KLHL1: variants seen among roughly 807,000 people sequenced by gnomAD.
The protein encoded by KLHL1 is kelch-like protein 1.
A neutral mutation model predicts 77.7 loss-of-function variants in KLHL1; 47 were observed. The observed-to-expected ratio is 0.60, with a 90% confidence interval of 0.48 to 0.77. KLHL1 has a LOEUF of 0.77. KLHL1 is among the 30% of genes least tolerant of loss of function. KLHL1 has a pLI of 0.00. For synonymous variants in KLHL1, 360 were observed against 325.2 expected, an observed-to-expected ratio of 1.11 and a Z score of -1.15; for missense variants, 925 against 910.8, an observed-to-expected ratio of 1.02 and a Z score of -0.20.
At chr13:69,839,252 T>C (rs1879148584) in intron 5 of KLHL1, 90 bp from the exon 6 acceptor site, 1 of 854,552 alleles carries the variant, frequency 1.2e-6, no homozygotes, top group Non-Finnish European at 1.8e-6. Context: ...ATGTCTGTGA[T>C]ATTATCCTTA....
rs1184213988 is a variant in KLHL1 at position 70,107,214 on chromosome 13, T to A, written c.486A>T (p.Gly162=). ...GGGACTTACTGTACCTGTGTCCACA[T>A]CCTTCACCTGTTGCCTGGCTAGAGT... ...PDNSSQATGE[G]CGHRLSSTGH... is the part of the protein sequence containing the mutation. The change falls in exon 1 of 11, where the codon GGA becomes GGT. Residue 162 remains glycine (G), a synonymous_variant. Transcript: ENST00000377844. 1 of 1,610,002 alleles carries A rather than the reference T, an allele frequency of 6.2e-7. No individual in the cohort carries two copies. The highest frequency in any genetic ancestry group is 8.5e-7 in the Non-Finnish European group (1 of 1,177,902).
intron 1 of KLHL1, among the ~76,000 whole-genome samples, chr13:69,994,798 A>G (rs1468459499): frequency 6.6e-6 from 1 of 152,106 alleles, no homozygotes; most frequent in East Asian, 1.9e-4. Context: ...TCCCAGGAAT[A>G]CTGTAGAGGA....
intron 1 of KLHL1, among the ~76,000 whole-genome samples, chr13:69,998,096 C>A (rs1031428733): frequency 6.6e-6 from 1 of 152,054 alleles, no homozygotes; most frequent in African/African-American, 2.4e-5. Flanking sequence ...AGGTCCTTTA[C>A]TGAAGACATT....
intron 4 of KLHL1, among the ~76,000 whole-genome samples, chr13:69,902,345 G>A (rs191684979): frequency 7.9e-4 from 121 of 152,228 alleles, no homozygotes; most frequent in African/African-American, 2.7e-3. Context: ...ATTTTAAGTA[G>A]AGGTTAATTA....
intron 5 of KLHL1, among the ~76,000 whole-genome samples, chr13:69,855,236 G>A (rs984008724): frequency 6.6e-6 from 1 of 151,894 alleles, no homozygotes; most frequent in African/African-American, 2.4e-5. Context: ...TTGTGTCAGA[G>A]AGTGATGCCA....
intron 4 of KLHL1, among the ~76,000 whole-genome samples, chr13:69,903,638 T>TTG (rs1451170239): frequency 1.9e-5 from 2 of 107,760 alleles, no homozygotes; most frequent in African/African-American, 7.4e-5. Flanking sequence ...TTCTTTTTTT[T>TTG]TTTTTTTTTT....
chr13:70,033,541 C>T (rs1398671644), intron 1 of KLHL1, among the ~76,000 whole-genome samples: 2 of 149,412 alleles, frequency 1.3e-5, no homozygotes, highest in Admixed American at 6.7e-5. Context: ...TCTCCGACCT[C>T]GTGATCCACC....
intron 3 of KLHL1, among the ~76,000 whole-genome samples, chr13:69,941,648 G>A (rs1883369079): frequency 6.6e-6 from 1 of 151,762 alleles, no homozygotes; most frequent in African/African-American, 2.4e-5. Flanking sequence ...ATAAACAAAA[G>A]CAATCCAAAA....
In KLHL1 at chr13:70,108,272, C is replaced by A; in HGVS notation, c.-573G>T. 1.3e-5 allele frequency: 5 copies of A among 376,378 alleles called. No homozygotes were observed. The highest frequency in any genetic ancestry group is 2.3e-5 in the Non-Finnish European group (5 of 212,820). The allele number at this position is 376,378 out of a possible 1,614,324, so 23.3% of individuals were successfully genotyped here. A position where few individuals can be genotyped will look rare whatever the true frequency, so the allele number is the denominator to read the frequency against. ...GGTGCACCTGCGCCCCTGTCCCTGG[C>A]CTTTTCGAGGATGCCCCGATAGCCT... On this transcript the variant is annotated 5_prime_UTR_variant, in exon 1 of 11. Transcript: ENST00000377844.
At chr13:69,812,671 G>A (rs187582242) in intron 6 of KLHL1, among the ~76,000 whole-genome samples, 333 of 151,568 alleles carry the variant, frequency 2.2e-3, no homozygotes, top group Non-Finnish European at 3.9e-3. Context: ...ATATGAACAG[G>A]CATTTCTGAA....
At position 69,799,257 on chromosome 13, in the gene KLHL1, C is replaced by T. The variant is rs535109787; in HGVS notation, c.1415-2295G>A. Among the ~76,000 whole-genome samples, 5 of 152,296 alleles carry T rather than the reference C, an allele frequency of 3.3e-5. 1 individual carries two copies. In the South Asian group the frequency reaches 8.3e-4, roughly 25 times the overall value. On this transcript the variant is annotated intron_variant, in intron 6 of 10. Coordinates refer to ENST00000377844, the MANE Select transcript of KLHL1 (RefSeq NM_020866.3). ...AGTACTTGAACAACTGTACTTCCCACAGACTCCAAAGCCTTGCTAAAAATC... is the reference window on the plus strand; with the variant it reads ...AGTACTTGAACAACTGTACTTCCCATAGACTCCAAAGCCTTGCTAAAAATC...
At chr13:69,896,826 C>G (rs1460167893) in intron 4 of KLHL1, among the ~76,000 whole-genome samples, 1 of 151,852 alleles carries the variant, frequency 6.6e-6, no homozygotes, top group Non-Finnish European at 1.5e-5. Flanking sequence ...ACACCACCAC[C>G]TCACCTGGCT....
At chr13:70,094,816 A>T (rs1287667590) in intron 1 of KLHL1, among the ~76,000 whole-genome samples, 3 of 152,130 alleles carry the variant, frequency 2.0e-5, no homozygotes, top group African/African-American at 7.2e-5. Context: ...GCCTTTTTCT[A>T]ACTACCTGTG....
intron 3 of KLHL1, among the ~76,000 whole-genome samples, chr13:69,941,389 C>A (rs574487835): frequency 1.1e-4 from 17 of 152,142 alleles, no homozygotes; most frequent in Middle Eastern, 3.4e-3. Context: ...ATTAAAAATT[C>A]TTTGATCTGA....
chr13:69,950,346 T>C (rs1156864585), intron 3 of KLHL1, among the ~76,000 whole-genome samples: 1 of 142,088 alleles, frequency 7.0e-6, no homozygotes, highest in East Asian at 2.0e-4. Flanking sequence ...CAAGGAATTG[T>C]TTTCAGAGTA....
At chr13:69,878,217 G>T (rs1206411816) in intron 5 of KLHL1, among the ~76,000 whole-genome samples, 3 of 151,760 alleles carry the variant, frequency 2.0e-5, no homozygotes, top group Non-Finnish European at 4.4e-5. Context: ...AGATTACATG[G>T]TTTAACACTA....
At chr13:69,873,321 C>T (rs1027472633) in intron 5 of KLHL1, among the ~76,000 whole-genome samples, 1 of 152,196 alleles carries the variant, frequency 6.6e-6, no homozygotes, top group African/African-American at 2.4e-5. Context: ...TCAATCCATA[C>T]ACTTGCACAC....
chr13:70,106,966 C>A (rs1002542907), intron 1 of KLHL1, among the ~76,000 whole-genome samples: 1 of 152,110 alleles, frequency 6.6e-6, no homozygotes, highest in Non-Finnish European at 1.5e-5. Flanking sequence ...CATGTAAGTT[C>A]AATTGGTGGC....
intron 9 of KLHL1, among the ~76,000 whole-genome samples, chr13:69,717,800 A>C (rs142781948): frequency 2.1e-3 from 318 of 152,232 alleles, no homozygotes; most frequent in African/African-American, 7.2e-3. Context: ...TTGTGAGTAT[A>C]AAAGCATAAA....
Sources: allele counts gnomAD v4.1 joint callset (sites outside exome capture counted in the v4.1 genomes callset), GRCh38; gene constraint gnomAD v4.1.1; transcripts MANE v1.5; gene names NCBI Gene and HGNC (gene_info 2026-07-23, HGNC 2026-07-21).